Variants in LTA4H observed in about 807,000 individuals in gnomAD.
LTA4H encodes the protein leukotriene A4 hydrolase.
A neutral mutation model predicts 89.8 loss-of-function variants in LTA4H; 59 were observed. The ratio of observed to expected loss-of-function variants is 0.66; its 90% CI spans 0.53 to 0.82. The LOEUF is 0.82. Among genes scored for constraint, LTA4H ranks in the 40% least tolerant of loss-of-function variants. The pLI is 0.00. For missense variants in LTA4H, 617 were observed against 727.0 expected, an observed-to-expected ratio of 0.85 and a Z score of 1.74; for synonymous variants, 227 against 253.1, an observed-to-expected ratio of 0.90 and a Z score of 0.98.
In LTA4H at chr12:96,013,248, A is replaced by C; in HGVS notation, c.1319T>G (p.Leu440Arg). ...YSYFKDKVDV[L>R]NQVDWNAWLY... The stretch of plus-strand genomic sequence containing the variant: ...CCAGGCATTCCAATCAACTTGATTG[A>C]GAACATCAACCTATGAATAGTAAGA... The change falls in exon 14 of 19, where the codon CTC (leucine) becomes CGC (arginine). Residue 440 changes from leucine (L) to arginine (R), a missense_variant. Physicochemically the swap from Leu to Arg is moderately radical, Grantham distance 102 (BLOSUM62 -2). Around this residue, in one of 3 missense-constraint regions of LTA4H, gnomAD observed 290 missense variants for 339.1 expected, o/e 0.86. Transcript: ENST00000228740. The C allele has an allele frequency of 6.2e-7, 1 of 1,612,440 alleles. No individual in the cohort carries two copies. Among genetic ancestry groups the C allele is most frequent in the Non-Finnish European group, 8.5e-7 (1 of 1,178,530 alleles).
chr12:96,008,025 T>C (rs913622045), intron 15 of LTA4H, among the ~76,000 whole-genome samples: 2 of 152,086 alleles, frequency 1.3e-5, no homozygotes, highest in African/African-American at 4.8e-5. Flanking sequence ...TTCATGGACA[T>C]AAAAGTGGCA....
upstream of LTA4H, among the ~76,000 whole-genome samples, chr12:96,036,118 G>A (rs1483493350): frequency 6.6e-6 from 1 of 152,136 alleles, no homozygotes; most frequent in Non-Finnish European, 1.5e-5. Flanking sequence ...TTTGTTTTTA[G>A]CTGTAAGTAA....
rs1361017372 is a variant in LTA4H at position 96,015,488 on chromosome 12, T to C, written c.1059+95A>G. 23 of 827,362 alleles carry C rather than the reference T, an allele frequency of 2.8e-5. No individual in the cohort carries two copies. In the East Asian group the frequency reaches 5.4e-4, roughly 20 times the overall value. 51.3% of individuals were successfully genotyped at this position (827,362 alleles called of 1,614,324 possible). ...TTTCCACACTTGTAAAAATGACTTTTTGGTTGCTACACAGTAAAGACGCTT... is the reference window on the plus strand; with the variant it reads ...TTTCCACACTTGTAAAAATGACTTTCTGGTTGCTACACAGTAAAGACGCTT... On this transcript the variant is annotated intron_variant, in intron 11 of 18. Coordinates refer to ENST00000228740, the MANE Select transcript of LTA4H (RefSeq NM_000895.3).
chr12:96,019,585 A>ATTTTTTTTTTTTTTTTTTTTTTTTTTTT (rs755971682), intron 6 of LTA4H, among the ~76,000 whole-genome samples: 1 of 99,390 alleles, frequency 1.0e-5, no homozygotes, highest in African/African-American at 4.4e-5. Context: ...ATAAGAAACT[A>ATTTTTTTTTTTTTTTTTTTTTTTTTTTT]TTTTTTTTTT....
At chr12:96,017,237 A>G in intron 9 of LTA4H, 123 bp from the exon 10 acceptor site, 1 of 728,180 alleles carries the variant, frequency 1.4e-6, no homozygotes, top group Non-Finnish European at 2.3e-6. Flanking sequence ...TCAGGGAGTT[A>G]CTCAGTTCAG....
At chr12:96,043,244 A>T (rs896073421) in intron 1 of LTA4H, 2 of 1,381,064 alleles carry the variant, frequency 1.4e-6, no homozygotes, top group East Asian at 2.5e-5. Flanking sequence ...CAGGGACTCG[A>T]CTTGAAAGAA....
At chr12:96,037,296 A>C (rs1950656596), upstream of LTA4H, among the ~76,000 whole-genome samples, 1 of 152,198 alleles carries the variant, frequency 6.6e-6, no homozygotes, top group African/African-American at 2.4e-5. Context: ...AAATTATGAC[A>C]GTGGGTAAGC....
At chr12:96,041,173 ATAT>A (rs1950683757) in intron 1 of LTA4H, among the ~76,000 whole-genome samples, 1 of 152,190 alleles carries the variant, frequency 6.6e-6, no homozygotes, top group East Asian at 1.9e-4. Context: ...GTATATTATA[ATAT>A]TATATTTGTA....
intron 17 of LTA4H, among the ~76,000 whole-genome samples, chr12:96,003,322 C>T (rs1484281351): frequency 6.6e-6 from 1 of 152,088 alleles, no homozygotes; most frequent in Non-Finnish European, 1.5e-5. Context: ...GGTAGGTGCT[C>T]ACATACCTTA....
chr12:96,024,455 G>C (rs1361245665), intron 4 of LTA4H, 24 bp downstream of exon 4: 23 of 1,392,222 alleles, frequency 1.7e-5, no homozygotes, highest in Non-Finnish European at 2.3e-5. Context: ...TCATTTAATT[G>C]AGTTAATAAT....
chr12:96,019,293 T>C, intron 6 of LTA4H, 53 bp from the exon 7 acceptor site: 1 of 1,479,654 alleles, frequency 6.8e-7, no homozygotes, highest in Non-Finnish European at 9.3e-7. Flanking sequence ...ATGATTCATC[T>C]GGTTCTAAAA....
chr12:96,035,560 C>G lies in LTA4H; in HGVS notation c.-41G>C, dbSNP rs748399189. 1.3e-6 allele frequency: 2 copies of G among 1,554,820 alleles called. No homozygotes were observed. The highest frequency in any genetic ancestry group is 1.7e-6 in the Non-Finnish European group (2 of 1,143,788). ...CACAGCACAGCGACCTACAGCCCAA[C>G]GCTCAGCTACCAGACTCGTCGATAG... On this transcript the variant is annotated 5_prime_UTR_variant, in exon 1 of 19. Coordinates refer to ENST00000228740, the MANE Select transcript of LTA4H (RefSeq NM_000895.3).
At chr12:96,013,323 C>G (rs1592878051) in intron 13 of LTA4H, 65 bp from the exon 14 acceptor site, 2 of 960,386 alleles carry the variant, frequency 2.1e-6, no homozygotes, top group East Asian at 5.0e-5. Context: ...AAAATTTAAA[C>G]TTGTAAGTCC....
chr12:96,043,294 A>G (rs1215783775), exon 1 of LTA4H: 1 of 1,534,266 alleles, frequency 6.5e-7, no homozygotes, highest in East Asian at 2.4e-5. Flanking sequence ...CTTACCTTTA[A>G]GGCTGCAAGA....
At chr12:96,003,714 C>T (rs1427752473) in intron 17 of LTA4H, 124 bp downstream of exon 17, 3 of 526,346 alleles carry the variant, frequency 5.7e-6, no homozygotes, top group Non-Finnish European at 1.0e-5. Context: ...TATATAGAAG[C>T]AGTCAGTTTG....
intron 1 of LTA4H, among the ~76,000 whole-genome samples, chr12:96,041,668 GTC>G (rs1950686768): frequency 6.6e-6 from 1 of 152,140 alleles, no homozygotes; most frequent in South Asian, 2.1e-4. Flanking sequence ...TTGAGGCAAA[GTC>G]TCTCTGTGTC....
At chr12:96,034,137 GCCA>G (rs1950607721) in intron 1 of LTA4H, among the ~76,000 whole-genome samples, 1 of 152,130 alleles carries the variant, frequency 6.6e-6, no homozygotes, top group African/African-American at 2.4e-5. Context: ...AGGCCTGAAA[GCCA>G]CCAATTCTTA....
rs1021398148 is a variant in LTA4H at position 96,003,058 on chromosome 12, C to T, written c.1620G>A (p.Leu540=). The T allele has an allele frequency of 1.9e-6, 3 of 1,593,290 alleles. No homozygotes were observed. Among genetic ancestry groups the T allele is most frequent in the African/African-American group, 2.7e-5 (2 of 74,854 alleles). ...CCCACTTGGATTGAATGCAGAGCCG[C>T]AGCCATCTAAAAGGAGGATTTGGGG... ...INNSEIRFRW[L]RLCIQSKWED... Residue 540 remains leucine (L), a synonymous_variant, in exon 18 of 19, where the codon CTG becomes CTA. Coordinates refer to ENST00000228740, the MANE Select transcript of LTA4H (RefSeq NM_000895.3).
In LTA4H at chr12:96,041,108, C is replaced by CT. The variant is rs201370073; in HGVS notation, c.87+2180dup. Among the ~76,000 whole-genome samples the CT allele has an allele frequency of 8.0e-3, 1,211 of 151,218 alleles. 24 individuals carry two copies. Among genetic ancestry groups the CT allele is most frequent in the African/African-American group, 0.028 (1,141 of 41,218 alleles). ...CAAGGGATTAAAAGATGAACGTAAG[C>CT]TTTTTTTTTAAAGAAAGCTTTGGCA... On this transcript the variant is annotated intron_variant, in intron 1 of 17. Transcript: ENST00000413268.
Sources: gnomAD v4.1 joint callset for allele counts (sites outside exome capture counted in the v4.1 genomes callset) on GRCh38, gnomAD v4.1.1 for gene constraint, gnomAD v4.1.1 regional missense constraint, MANE v1.5 for transcripts, NCBI Gene and HGNC (gene_info 2026-07-23, HGNC 2026-07-21) for gene names.